Variants in CPNE5 observed in about 807,000 individuals in gnomAD.
CPNE5 encodes the protein copine-5.
Under a neutral mutation model 81.1 loss-of-function variants are expected in CPNE5, and 42 were observed. The ratio of observed to expected loss-of-function variants is 0.52; its 90% CI spans 0.40 to 0.67. The LOEUF is 0.67. Among genes scored for constraint, CPNE5 ranks in the 30% least tolerant of loss-of-function variants. The pLI is 0.00. For missense variants in CPNE5, 612 were observed against 815.5 expected, an observed-to-expected ratio of 0.75 and a Z score of 3.04; for synonymous variants, 313 against 321.5, an observed-to-expected ratio of 0.97 and a Z score of 0.28.
chr6:36,798,838 C>T (rs963745018), intron 4 of CPNE5, among the ~76,000 whole-genome samples: 5 of 152,168 alleles, frequency 3.3e-5, no homozygotes, highest in Non-Finnish European at 5.9e-5. Flanking sequence ...GCCATCTTAC[C>T]TTTCACTCCC....
At chr6:36,758,169 T>C (rs752098335) in intron 12 of CPNE5, among the ~76,000 whole-genome samples, 3 of 152,194 alleles carry the variant, frequency 2.0e-5, no homozygotes, top group Non-Finnish European at 2.9e-5. Flanking sequence ...TCCTCATCTC[T>C]AAAATGGGAA....
At chr6:36,795,239 C>T (rs1423776205) in intron 6 of CPNE5, among the ~76,000 whole-genome samples, 1 of 152,060 alleles carries the variant, frequency 6.6e-6, no homozygotes, top group Non-Finnish European at 1.5e-5. Context: ...AGTGCAGTGG[C>T]GTGATCTCGG....
chr6:36,762,882 T>C (rs762776930), intron 12 of CPNE5, 35 bp downstream of exon 12: 33 of 1,565,322 alleles, frequency 2.1e-5, no homozygotes, highest in Middle Eastern at 1.7e-4. Flanking sequence ...GGCCACTTAG[T>C]AGTGCAAACC....
intron 11 of CPNE5, among the ~76,000 whole-genome samples, chr6:36,764,162 C>T (rs1766333442): frequency 6.7e-6 from 1 of 148,942 alleles, no homozygotes; most frequent in South Asian, 2.1e-4. Context: ...TGAGCAACTT[C>T]ATGGTGGGAC....
In CPNE5 at chr6:36,775,038, G is replaced by A. The variant is rs758421371; in HGVS notation, c.660C>T (p.Val220=). 2 of 1,614,166 alleles carry A rather than the reference G, an allele frequency of 1.2e-6. No individual in the cohort carries two copies. Among genetic ancestry groups the A allele is most frequent in the Admixed American group, 3.3e-5 (2 of 60,022 alleles). Residue 220 remains valine (V), a synonymous_variant, in exon 10 of 21, where the codon GTC becomes GTT. Transcript: ENST00000244751. ...GTFTICHKTE[V]MKNTLNPVWQ... ...AGACTGGATTTAGGGTGTTCTTCAT[G>A]ACCTCGGTCTTGTGGCAAATGGTGA...
chr6:36,799,196 G>A (rs1310474860), intron 4 of CPNE5, among the ~76,000 whole-genome samples: 12 of 152,122 alleles, frequency 7.9e-5, no homozygotes, highest in African/African-American at 2.9e-4. Flanking sequence ...CCTGCTGAGG[G>A]ATGGTCACTC....
intron 1 of CPNE5, among the ~76,000 whole-genome samples, chr6:36,825,428 T>G (rs937221733): frequency 6.6e-6 from 1 of 151,762 alleles, no homozygotes; most frequent in Admixed American, 6.6e-5. Flanking sequence ...AACTCCAGTC[T>G]CTACATCCAG....
chr6:36,833,777 A>G (rs1264386269), intron 1 of CPNE5, among the ~76,000 whole-genome samples: 1 of 152,222 alleles, frequency 6.6e-6, no homozygotes, highest in African/African-American at 2.4e-5. Context: ...TGAGACCCTG[A>G]GCAGAAAAGC....
intron 6 of CPNE5, among the ~76,000 whole-genome samples, chr6:36,796,718 G>A (rs964908557): frequency 6.6e-6 from 1 of 152,136 alleles, no homozygotes; most frequent in East Asian, 1.9e-4. Flanking sequence ...ATAAGCTATA[G>A]AGACCCCCAA....
chr6:36,756,358 A>C, intron 12 of CPNE5, 60 bp from the exon 13 acceptor site: 1 of 1,464,404 alleles, frequency 6.8e-7, no homozygotes, highest in South Asian at 1.2e-5. Context: ...GTGAGTCTTG[A>C]GGGCTTCCAA....
upstream of CPNE5, chr6:36,839,642 G>C (rs963455803): frequency 2.2e-5 from 9 of 407,900 alleles, no homozygotes; most frequent in African/African-American, 1.9e-4. This position sits in a 1 kb window ranked among gnomAD's most constrained non-coding sequence, Gnocchi z 7.3. Flanking sequence ...CCCAGGGAGC[G>C]GGGGCACAGC....
chr6:36,767,119 G>T (rs996742897), intron 10 of CPNE5, among the ~76,000 whole-genome samples: 1 of 152,166 alleles, frequency 6.6e-6, no homozygotes, highest in African/African-American at 2.4e-5. Flanking sequence ...GCCTCCCAAA[G>T]TACTGGGATT....
At chr6:36,798,024 A>T in intron 6 of CPNE5, 141 bp downstream of exon 6, 1 of 648,704 alleles carries the variant, frequency 1.5e-6, no homozygotes. Context: ...GAGAGCAGTG[A>T]GGCATGGGGT....
At position 36,746,148 on chromosome 6, in the gene CPNE5, G is replaced by A. The variant is rs555186905; in HGVS notation, c.1200+248C>T. On this transcript the variant is annotated intron_variant, in intron 16 of 20. Coordinates refer to ENST00000244751, the MANE Select transcript of CPNE5 (RefSeq NM_020939.2). The surrounding 1 kb of genome is among the most constrained non-coding windows in gnomAD (Gnocchi z 4.5). ...ACAGCTCGCCTCCACCTGCACCTGC[G>A]TCTTGTCAGGAACAAGGAAGCCAGG... The A allele has an allele frequency of 7.7e-5, 76 of 985,214 alleles. No individual in the cohort carries two copies. Among genetic ancestry groups the A allele is most frequent in the South Asian group, 5.6e-4 (12 of 21,290 alleles). 61.0% of individuals were successfully genotyped at this position (985,214 alleles called of 1,614,324 possible). A position where few individuals can be genotyped will look rare whatever the true frequency, so the allele number is the denominator to read the frequency against.
intron 13 of CPNE5, 65 bp from the exon 14 acceptor site, chr6:36,753,160 G>A (rs1001865805): frequency 6.0e-6 from 8 of 1,333,346 alleles, no homozygotes; most frequent in Admixed American, 3.4e-5. Flanking sequence ...GTTATGATTC[G>A]AGAGCTGACA....
In CPNE5 at chr6:36,746,970, C is replaced by T. The variant is rs1389793993; in HGVS notation, c.1019-393G>A. On this transcript the variant is annotated intron_variant, in intron 15 of 20. Coordinates refer to ENST00000244751, the MANE Select transcript of CPNE5 (RefSeq NM_020939.2). The surrounding 1 kb of genome is among the most constrained non-coding windows in gnomAD (Gnocchi z 4.5). Reference sequence around the variant, plus strand: ...GAAACCCAAAGTCCTCACAAGAGCCCGCAAGCACTCATGATCTGGCCTCCA... The same window carrying T: ...GAAACCCAAAGTCCTCACAAGAGCCTGCAAGCACTCATGATCTGGCCTCCA... Among the ~76,000 whole-genome samples, 1 of 44 alleles carries T rather than the reference C, an allele frequency of 0.023. No individual in the cohort carries two copies. Among genetic ancestry groups the T allele is most frequent in the African/African-American group, 0.062 (1 of 16 alleles). The allele number at this position is 44 out of a possible 152,430, so 0.0% of individuals were successfully genotyped here.
intron 3 of CPNE5, among the ~76,000 whole-genome samples, chr6:36,815,193 C>T (rs1167313935): frequency 6.6e-6 from 1 of 150,714 alleles, no homozygotes; most frequent in Non-Finnish European, 1.5e-5. Context: ...AAGAACAGAA[C>T]AGTGTCTGCA....
At chr6:36,777,529 C>T (rs762590783) in intron 9 of CPNE5, among the ~76,000 whole-genome samples, 5 of 152,070 alleles carry the variant, frequency 3.3e-5, no homozygotes, top group Non-Finnish European at 5.9e-5. Context: ...TGTGGACGCC[C>T]GGAACAATAT....
chr6:36,818,933 T>G (rs2095832430), intron 3 of CPNE5, among the ~76,000 whole-genome samples: 1 of 152,216 alleles, frequency 6.6e-6, no homozygotes, highest in Non-Finnish European at 1.5e-5. Context: ...ACATTCCTGG[T>G]TTTTATGAAG....
Sources: allele counts gnomAD v4.1 joint callset (sites outside exome capture counted in the v4.1 genomes callset), GRCh38; gene constraint gnomAD v4.1.1; non-coding constraint Gnocchi (gnomAD v3.1); transcripts MANE v1.5; gene names NCBI Gene and HGNC (gene_info 2026-07-23, HGNC 2026-07-21).